CDKAL1: variants seen among roughly 807,000 people sequenced by gnomAD.
CDKAL1 encodes threonylcarbamoyladenosine tRNA methylthiotransferase.
CDKAL1 carries 32 observed loss-of-function variants against 68.2 expected under a neutral mutation model. The observed-to-expected ratio is 0.47, with a 90% CI of 0.35 to 0.63. The LOEUF (loss-of-function observed/expected upper bound fraction) is 0.63. Among genes scored for constraint, CDKAL1 ranks in the 30% least tolerant of loss-of-function variants. CDKAL1 has a pLI of 0.00. For synonymous variants in CDKAL1, 234 were observed against 244.3 expected, an observed-to-expected ratio of 0.96 and a Z score of 0.39; for missense variants, 606 against 696.7, an observed-to-expected ratio of 0.87 and a Z score of 1.47.
intron 12 of CDKAL1, 21 bp from the exon 13 acceptor site, chr6:21,108,380 T>G (rs1180561254): frequency 6.3e-7 from 1 of 1,590,350 alleles, no homozygotes; most frequent in Admixed American, 1.7e-5. Flanking sequence ...GGTTTTTTGT[T>G]TTTTTTGTTT....
At chr6:20,922,192 C>A (rs1270383667) in intron 9 of CDKAL1, among the ~76,000 whole-genome samples, 1 of 152,166 alleles carries the variant, frequency 6.6e-6, no homozygotes, top group Admixed American at 6.5e-5. Context: ...ATCTCGTGTT[C>A]GAATAAATCA....
At chr6:21,123,615 C>T (rs530201245) in intron 13 of CDKAL1, among the ~76,000 whole-genome samples, 7 of 152,164 alleles carry the variant, frequency 4.6e-5, no homozygotes, top group South Asian at 4.1e-4. Flanking sequence ...GGTCCTGCTC[C>T]GGGGCCCTGT....
At chr6:20,771,717 A>G (rs1774950133) in intron 7 of CDKAL1, among the ~76,000 whole-genome samples, 1 of 152,064 alleles carries the variant, frequency 6.6e-6, no homozygotes, top group South Asian at 2.1e-4. Context: ...ACTGGCCCAT[A>G]GGGAATTCTC....
rs1763769023 is a variant in CDKAL1 at position 20,550,305 on chromosome 6, C to T, written c.286+1600C>T. 3.3e-5 allele frequency among the ~76,000 whole-genome samples: 5 copies of T among 152,136 alleles called. No individual in the cohort carries two copies. The South Asian group carries it at 1.0e-3, about 31-fold the overall frequency. ...TCTTAGTTATTTCTATCAGTACAGA[C>T]TCATGGATATTTATTTTATCCTGTG... On this transcript the variant is annotated intron_variant, in intron 4 of 15. Coordinates refer to ENST00000274695, the MANE Select transcript of CDKAL1 (RefSeq NM_017774.3).
intron 4 of CDKAL1, among the ~76,000 whole-genome samples, chr6:20,624,290 C>G (rs79269395): frequency 6.6e-6 from 1 of 152,000 alleles, no homozygotes; most frequent in East Asian, 1.9e-4. Context: ...AACTGAGACC[C>G]ATGTAGACAG....
chr6:21,148,201 G>A (rs1471205), intron 13 of CDKAL1, among the ~76,000 whole-genome samples: 15,879 of 152,186 alleles, frequency 0.1, 1,100 homozygotes, highest in Non-Finnish European at 0.15. Flanking sequence ...GTTTCGGAGC[G>A]GGATGGGAAG....
intron 4 of CDKAL1, among the ~76,000 whole-genome samples, chr6:20,604,457 G>C (rs1475999101): frequency 1.3e-5 from 2 of 152,216 alleles, no homozygotes; most frequent in African/African-American, 4.8e-5. Flanking sequence ...CACAGGGCTA[G>C]TAGCATATTC....
intron 5 of CDKAL1, among the ~76,000 whole-genome samples, chr6:20,698,281 A>G (rs992660924): frequency 3.9e-5 from 6 of 152,202 alleles, no homozygotes; most frequent in Admixed American, 3.3e-4. Flanking sequence ...AAGTTGCAAA[A>G]AAGTTGCAAA....
intron 11 of CDKAL1, among the ~76,000 whole-genome samples, chr6:21,041,373 G>T (rs1769914743): frequency 6.6e-6 from 1 of 152,262 alleles, no homozygotes; most frequent in African/African-American, 2.4e-5. Flanking sequence ...GTTAGCAGGT[G>T]TCCTAACTAG....
intron 10 of CDKAL1, among the ~76,000 whole-genome samples, chr6:20,978,655 T>A (rs984554992): frequency 2.0e-5 from 3 of 152,214 alleles, no homozygotes; most frequent in Non-Finnish European, 4.4e-5. Flanking sequence ...TACAAGCTAA[T>A]AATTTATTAC....
intron 9 of CDKAL1, among the ~76,000 whole-genome samples, chr6:20,874,548 C>G (rs925976143): frequency 1.3e-5 from 2 of 152,128 alleles, no homozygotes; most frequent in Middle Eastern, 6.8e-3. Context: ...TGGAGTCTCA[C>G]TCTGTAACCG....
intron 9 of CDKAL1, among the ~76,000 whole-genome samples, chr6:20,859,306 GAA>G (rs112918017): frequency 6.6e-6 from 1 of 151,266 alleles, no homozygotes; most frequent in Non-Finnish European, 1.5e-5. Context: ...AAAAAAAAAA[GAA>G]AAAAAATGGT....
intron 11 of CDKAL1, among the ~76,000 whole-genome samples, chr6:21,026,467 A>G (rs1768967234): frequency 6.6e-6 from 1 of 152,178 alleles, no homozygotes; most frequent in Admixed American, 6.5e-5. Context: ...GACTAGATTA[A>G]AGAAACTCTG....
chr6:21,071,569 A>T (rs1205861057), intron 12 of CDKAL1, among the ~76,000 whole-genome samples: 1 of 152,052 alleles, frequency 6.6e-6, no homozygotes, highest in African/African-American at 2.4e-5. Context: ...TTTGGATCTC[A>T]TATTGGTTCA....
intron 12 of CDKAL1, among the ~76,000 whole-genome samples, chr6:21,087,782 A>G (rs1392877960): frequency 6.6e-6 from 1 of 151,738 alleles, no homozygotes; most frequent in African/African-American, 2.4e-5. Flanking sequence ...TAATATACAG[A>G]TATGCATGCA....
chr6:20,575,214 A>G (rs1764859501), intron 4 of CDKAL1, among the ~76,000 whole-genome samples: 1 of 152,144 alleles, frequency 6.6e-6, no homozygotes, highest in Non-Finnish European at 1.5e-5. Flanking sequence ...TTTTGGCCAT[A>G]TCTATCTTAT....
chr6:21,143,986 A>G (rs1285914871), intron 13 of CDKAL1, among the ~76,000 whole-genome samples: 1 of 126,428 alleles, frequency 7.9e-6, no homozygotes, highest in African/African-American at 3.2e-5. Context: ...GGGAAGAGAG[A>G]GTTGGATGGT....
intron 9 of CDKAL1, among the ~76,000 whole-genome samples, chr6:20,894,300 T>C (rs962681285): frequency 6.6e-6 from 1 of 151,902 alleles, no homozygotes; most frequent in African/African-American, 2.4e-5. Context: ...CTCCTTACCA[T>C]ACCATTCAGA....
chr6:20,885,523 T>C (rs975180834), intron 9 of CDKAL1, among the ~76,000 whole-genome samples: 13 of 152,098 alleles, frequency 8.5e-5, no homozygotes, highest in African/African-American at 2.7e-4. Context: ...AAAAACAACT[T>C]AAATATAAGA....
Sources: gnomAD v4.1 joint callset for allele counts (sites outside exome capture counted in the v4.1 genomes callset) on GRCh38, gnomAD v4.1.1 for gene constraint, MANE v1.5 for transcripts, NCBI Gene and HGNC (gene_info 2026-07-23, HGNC 2026-07-21) for gene names.